Variants in DLC1 observed in about 807,000 individuals in gnomAD.
DLC1 encodes DLC1 Rho GTPase activating protein.
DLC1 carries 54 observed loss-of-function variants against 140.3 expected under a neutral mutation model. That is an observed-to-expected ratio of 0.38 (90% CI 0.31 to 0.48). DLC1 has a LOEUF of 0.48. Among genes scored for constraint, DLC1 ranks in the 20% least tolerant of loss-of-function variants. DLC1 has a pLI of 0.96. For synonymous variants in DLC1, 986 were observed against 728.1 expected (o/e 1.35, Z -5.70); for missense variants, 2,536 against 1,907.0 (o/e 1.33, Z -6.14).
chr8:13,232,378 G>A (rs1053920530), intron 5 of DLC1, among the ~76,000 whole-genome samples: 2 of 151,964 alleles, frequency 1.3e-5, no homozygotes, highest in African/African-American at 4.8e-5. Flanking sequence ...CTGTCACCCA[G>A]GCTGGTGTGC....
At chr8:13,258,705 T>C (rs1830358011) in intron 5 of DLC1, among the ~76,000 whole-genome samples, 1 of 152,222 alleles carries the variant, frequency 6.6e-6, no homozygotes, top group South Asian at 2.1e-4. Flanking sequence ...TGGAACATAG[T>C]ATGTCCTACA....
At chr8:13,374,480 T>G (rs1417001809) in intron 4 of DLC1, among the ~76,000 whole-genome samples, 1 of 152,126 alleles carries the variant, frequency 6.6e-6, no homozygotes, top group Non-Finnish European at 1.5e-5. Context: ...GCCAAAATTA[T>G]CTTTTGTAAG....
intron 5 of DLC1, among the ~76,000 whole-genome samples, chr8:13,197,439 C>A (rs552997017): frequency 6.6e-6 from 1 of 152,014 alleles, no homozygotes; most frequent in East Asian, 1.9e-4. Flanking sequence ...AACTCCACCT[C>A]CCAGGTTCAC....
At chr8:13,164,454 T>G (rs1824955086) in intron 5 of DLC1, among the ~76,000 whole-genome samples, 2 of 152,132 alleles carry the variant, frequency 1.3e-5, no homozygotes. Context: ...ATTCATCCAG[T>G]CAAGGCAGTA....
rs2128946865 is a variant in DLC1 at position 13,110,794 on chromosome 8, C to G, written c.1450G>C (p.Val484Leu). Residue 484 changes from valine (V) to leucine (L), a missense_variant, in exon 7 of 18, where the codon GTC becomes CTC. Val to Leu is a conservative substitution (Grantham distance 32). Transcript: ENST00000276297. ...DFLFPIDISL[V>L]KREHDFLDRD... ...TCCAAAAAATCATGCTCTCTCTTGA[C>G]CAAGGAAATATCGATGGGGAACAGG... The G allele has an allele frequency of 1.2e-6, 2 of 1,614,020 alleles. No homozygotes were observed. Among genetic ancestry groups the G allele is most frequent in the Non-Finnish European group, 1.7e-6 (2 of 1,179,998 alleles).
At chr8:13,150,111 G>C (rs1036685270) in intron 5 of DLC1, among the ~76,000 whole-genome samples, 1 of 151,672 alleles carries the variant, frequency 6.6e-6, no homozygotes, top group Admixed American at 6.6e-5. Flanking sequence ...GTGTATGTGC[G>C]GGTGAATATA....
intron 16 of DLC1, among the ~76,000 whole-genome samples, chr8:13,087,842 C>A (rs1817696390): frequency 6.6e-6 from 1 of 152,176 alleles, no homozygotes; most frequent in Non-Finnish European, 1.5e-5. Context: ...CCACATCTCC[C>A]TTGGGACTCA....
intron 5 of DLC1, among the ~76,000 whole-genome samples, chr8:13,275,663 C>A (rs1176528496): frequency 6.6e-6 from 1 of 152,302 alleles, no homozygotes; most frequent in African/African-American, 2.4e-5. Context: ...AGCCCTAGAG[C>A]ACTTGAATTG....
At chr8:13,583,294 C>T (rs1286079353) in intron 1 of DLC1, among the ~76,000 whole-genome samples, 1 of 152,108 alleles carries the variant, frequency 6.6e-6, no homozygotes. Context: ...ATGGAATATT[C>T]CAAATCCATT....
intron 5 of DLC1, among the ~76,000 whole-genome samples, chr8:13,178,022 A>G (rs1399290645): frequency 6.6e-6 from 1 of 152,202 alleles, no homozygotes; most frequent in African/African-American, 2.4e-5. Flanking sequence ...TAGCTCTAAT[A>G]CATTTTAAAT....
chr8:13,393,508 T>A, intron 4 of DLC1, 45 bp downstream of exon 4: 2 of 1,574,316 alleles, frequency 1.3e-6, no homozygotes, highest in South Asian at 2.4e-5. Flanking sequence ...CTGATGATCA[T>A]CAACATTTAC....
chr8:13,592,695 T>C (rs920581853), intron 1 of DLC1, among the ~76,000 whole-genome samples: 2 of 152,086 alleles, frequency 1.3e-5, no homozygotes, highest in African/African-American at 4.8e-5. Flanking sequence ...GTATTATGAG[T>C]CCTGCCCTTA....
chr8:13,565,694 G>A (rs185664280), intron 1 of DLC1, among the ~76,000 whole-genome samples: 6 of 152,172 alleles, frequency 3.9e-5, no homozygotes, highest in Non-Finnish European at 8.8e-5. Context: ...AGAAACACAG[G>A]AAGAAAGAGA....
chr8:13,434,022 ATTTTGTTTTG>A (rs915460004), intron 2 of DLC1, among the ~76,000 whole-genome samples: 3 of 152,050 alleles, frequency 2.0e-5, no homozygotes, highest in Admixed American at 1.3e-4. Flanking sequence ...TGCCCGGCTA[ATTTTGTTTTG>A]TTTTGTTTTG....
intron 4 of DLC1, among the ~76,000 whole-genome samples, chr8:13,352,753 T>G (rs1212277936): frequency 1.3e-5 from 2 of 152,170 alleles, no homozygotes; most frequent in East Asian, 3.9e-4. Flanking sequence ...ACACTGTTTT[T>G]TTGGAGAGGA....
At chr8:13,452,912 G>A (rs1799134902) in intron 2 of DLC1, among the ~76,000 whole-genome samples, 1 of 152,140 alleles carries the variant, frequency 6.6e-6, no homozygotes, top group Non-Finnish European at 1.5e-5. Flanking sequence ...ATTTCCGGAT[G>A]AGAATGGCCA....
chr8:13,181,195 C>A (rs1450515810), intron 5 of DLC1, among the ~76,000 whole-genome samples: 1 of 152,064 alleles, frequency 6.6e-6, no homozygotes, highest in South Asian at 2.1e-4. Flanking sequence ...GCTCTCACTC[C>A]AAAACCTTTG....
chr8:13,113,999 A>G (rs1033920060), intron 6 of DLC1, among the ~76,000 whole-genome samples: 18 of 152,212 alleles, frequency 1.2e-4, no homozygotes, highest in Non-Finnish European at 2.4e-4. Context: ...ATAAAATGGA[A>G]TGCATTAGTT....
chr8:13,097,249 T>TTTATTATTA (rs149250885), intron 10 of DLC1, among the ~76,000 whole-genome samples: 40,723 of 146,778 alleles, frequency 0.28, 6,266 homozygotes, highest in East Asian at 0.52. Flanking sequence ...CACATCCAAA[T>TTTATTATTA]TTATTATTAT....
Sources: allele counts gnomAD v4.1 joint callset (sites outside exome capture counted in the v4.1 genomes callset), GRCh38; gene constraint gnomAD v4.1.1; transcripts MANE v1.5; gene names NCBI Gene and HGNC (gene_info 2026-07-23, HGNC 2026-07-21).